The following SMYD1 variants were observed in gnomAD, a reference collection of about 807,000 sequenced individuals.
SMYD1 encodes the protein histone-lysine N-methyltransferase SMYD1.
Under a neutral mutation model 54.0 loss-of-function variants are expected in SMYD1, and 49 were observed. The ratio of observed to expected loss-of-function variants is 0.91; its 90% CI spans 0.72 to 1.15. SMYD1 has a LOEUF of 1.15. SMYD1 is among the 50% of genes most tolerant of loss of function. The pLI is 0.00. For synonymous variants in SMYD1, 269 were observed against 234.2 expected (o/e 1.15, Z -1.36); for missense variants, 653 against 639.6 (o/e 1.02, Z -0.23).
Position 88,097,367 on chromosome 2 carries a change from G to C in SMYD1, c.888+583G>C, listed in dbSNP as rs114706677. ...TTGCTGAGGGGAGGTCAGGAACCCAGCTGAGCTGGGAGAGAGAGCTGAGCC... is the reference window on the plus strand; with the variant it reads ...TTGCTGAGGGGAGGTCAGGAACCCACCTGAGCTGGGAGAGAGAGCTGAGCC... On this transcript the variant is annotated intron_variant, in intron 6 of 9. Transcript: ENST00000419482. 3.3e-3 allele frequency among the ~76,000 whole-genome samples: 496 copies of C among 152,244 alleles called. 2 individuals carry two copies. The highest frequency in any genetic ancestry group is 0.012 in the African/African-American group (478 of 41,516).
At chr2:88,084,249 T>A (rs1471402692) in intron 1 of SMYD1, 67 bp from the exon 2 acceptor site, 3 of 1,369,192 alleles carry the variant, frequency 2.2e-6, no homozygotes, top group Non-Finnish European at 2.0e-6. Context: ...AACACAGGTG[T>A]CCCACTGGCT....
intron 1 of SMYD1, among the ~76,000 whole-genome samples, chr2:88,076,479 T>G (rs1039626468): frequency 1.3e-5 from 2 of 152,170 alleles, no homozygotes; most frequent in African/African-American, 4.8e-5. Flanking sequence ...TGCCTCGGCC[T>G]CCCAAAGTGC....
intron 3 of SMYD1, among the ~76,000 whole-genome samples, chr2:88,088,534 G>A (rs1348195364): frequency 1.3e-5 from 2 of 152,152 alleles, no homozygotes; most frequent in African/African-American, 4.8e-5. Context: ...TTCTGGCCTT[G>A]TTTACTGTGA....
chr2:88,099,798 C>T (rs538597980), intron 6 of SMYD1, among the ~76,000 whole-genome samples: 1 of 151,610 alleles, frequency 6.6e-6, no homozygotes, highest in East Asian at 1.9e-4. Context: ...AACCAACATC[C>T]TTCTTACCCC....
chr2:88,107,522 G>A (rs953977101), intron 8 of SMYD1, among the ~76,000 whole-genome samples: 2 of 152,198 alleles, frequency 1.3e-5, no homozygotes, highest in Non-Finnish European at 2.9e-5. Flanking sequence ...TGAGCTTCCT[G>A]TGCTCAAGCT....
At chr2:88,075,366 A>G (rs1329425014) in intron 1 of SMYD1, among the ~76,000 whole-genome samples, 1 of 152,096 alleles carries the variant, frequency 6.6e-6, no homozygotes, top group South Asian at 2.1e-4. Context: ...CTGAACATGA[A>G]TTGAGGGGGG....
At chr2:88,100,953 C>G (rs1203574354) in intron 6 of SMYD1, among the ~76,000 whole-genome samples, 1 of 152,110 alleles carries the variant, frequency 6.6e-6, no homozygotes, top group Non-Finnish European at 1.5e-5. Context: ...GATATGGAAA[C>G]AAGGATAGCC....
At chr2:88,108,291 G>T in intron 8 of SMYD1, 80 bp from the exon 9 acceptor site, 1 of 1,350,208 alleles carries the variant, frequency 7.4e-7, no homozygotes, top group African/African-American at 1.5e-5. Flanking sequence ...AATCAACAAG[G>T]GCACTTTATA....
chr2:88,086,628 C>T (rs551723798), intron 2 of SMYD1, among the ~76,000 whole-genome samples: 62 of 152,332 alleles, frequency 4.1e-4, no homozygotes, highest in African/African-American at 1.5e-3. Context: ...TCGAGGCCTC[C>T]GCTCACACTG....
intron 4 of SMYD1, among the ~76,000 whole-genome samples, chr2:88,093,285 T>C (rs1674503461): frequency 6.6e-6 from 1 of 152,214 alleles, no homozygotes; most frequent in Non-Finnish European, 1.5e-5. Flanking sequence ...CTTGTTCAGG[T>C]CAGGGCTGAG....
chr2:88,088,360 G>C (rs1458279031), intron 3 of SMYD1, among the ~76,000 whole-genome samples: 2 of 152,188 alleles, frequency 1.3e-5, no homozygotes, highest in Non-Finnish European at 2.9e-5. Context: ...AAAATCCGGA[G>C]ATTCTAGAGT....
intron 6 of SMYD1, among the ~76,000 whole-genome samples, chr2:88,097,583 C>G (rs1268086964): frequency 6.6e-6 from 1 of 152,184 alleles, no homozygotes; most frequent in African/African-American, 2.4e-5. Context: ...AGGCGTCTCA[C>G]ATGACATTCT....
chr2:88,093,662 T>C (rs1376089551), intron 5 of SMYD1, 107 bp downstream of exon 5: 1 of 1,242,312 alleles, frequency 8.0e-7, no homozygotes, highest in African/African-American at 1.5e-5. Flanking sequence ...CATCTGTCCA[T>C]AACGTCCTTC....
At chr2:88,081,525 C>G (rs778873393) in intron 1 of SMYD1, among the ~76,000 whole-genome samples, 6 of 150,978 alleles carry the variant, frequency 4.0e-5, no homozygotes, top group Non-Finnish European at 8.8e-5. Flanking sequence ...CAACCTCTGT[C>G]CCTGGGTTCA....
In SMYD1 at chr2:88,084,319, T is replaced by C. The variant is rs1483648527; in HGVS notation, c.141T>C (p.Leu47=). The C allele has an allele frequency of 7.7e-6, 12 of 1,564,770 alleles. No homozygotes were observed. Among genetic ancestry groups the C allele is most frequent in the Non-Finnish European group, 9.6e-6 (11 of 1,141,946 alleles). ...TGTCTTCTTTCTCCATTTCCAGCCT[T>C]GTTAATTTTGTGTGCCACACCTGCT... ...RAYSAVVFDS[L]VNFVCHTCFK... The change falls in exon 2 of 10, where the codon CTT becomes CTC. Residue 47 remains leucine, a synonymous_variant. Transcript: ENST00000419482.
chr2:88,107,028 G>A (rs372535053), intron 8 of SMYD1, among the ~76,000 whole-genome samples: 36 of 151,764 alleles, frequency 2.4e-4, no homozygotes, highest in East Asian at 1.2e-3. Context: ...GTGAAACCCC[G>A]TCTCTATTAA....
chr2:88,086,549 C>A (rs1359540271), intron 2 of SMYD1, among the ~76,000 whole-genome samples: 1 of 152,192 alleles, frequency 6.6e-6, no homozygotes, highest in African/African-American at 2.4e-5. Flanking sequence ...CCTCCTCTTC[C>A]CCCAGAGCCC....
chr2:88,070,096 AT>A (rs1465230301), intron 1 of SMYD1, among the ~76,000 whole-genome samples: 1 of 146,158 alleles, frequency 6.8e-6, no homozygotes, highest in African/African-American at 2.5e-5. Context: ...GTTTAAAATG[AT>A]TGAAAAAAAA....
At chr2:88,080,695 C>T (rs941970449) in intron 1 of SMYD1, among the ~76,000 whole-genome samples, 1 of 152,122 alleles carries the variant, frequency 6.6e-6, no homozygotes, top group African/African-American at 2.4e-5. Context: ...CTTCCTTCCT[C>T]GTTCCTAACC....
Sources: allele counts gnomAD v4.1 joint callset (sites outside exome capture counted in the v4.1 genomes callset), GRCh38; gene constraint gnomAD v4.1.1; transcripts MANE v1.5; gene names NCBI Gene and HGNC (gene_info 2026-07-23, HGNC 2026-07-21).